CLPB: variants seen among roughly 807,000 people sequenced by gnomAD.
CLPB encodes the protein mitochondrial disaggregase.
Under a neutral mutation model 78.4 loss-of-function variants are expected in CLPB, and 40 were observed. The observed-to-expected ratio is 0.51, with a 90% CI of 0.40 to 0.66. CLPB has a LOEUF of 0.66. Ranked by LOEUF, CLPB falls within the 30% of genes least tolerant of loss-of-function variation. The probability of loss-of-function intolerance (pLI) is 0.00; values close to 1 mark genes in which losing one functional copy is unlikely to be tolerated. For missense variants in CLPB, 780 were observed against 886.9 expected, an observed-to-expected ratio of 0.88 and a Z score of 1.53; for synonymous variants, 333 against 348.0, an observed-to-expected ratio of 0.96 and a Z score of 0.48.
At chr11:72,324,209 C>T (rs531586570) in intron 6 of CLPB, among the ~76,000 whole-genome samples, 1 of 152,128 alleles carries the variant, frequency 6.6e-6, no homozygotes, top group Admixed American at 6.5e-5. Context: ...TGTGAAAATA[C>T]AGTGATCCAT....
At chr11:72,327,247 C>G (rs1409991340) in intron 6 of CLPB, among the ~76,000 whole-genome samples, 1 of 152,224 alleles carries the variant, frequency 6.6e-6, no homozygotes, top group Non-Finnish European at 1.5e-5. Context: ...CTCACTCCCT[C>G]TCACTCAGAG....
At chr11:72,329,614 G>A in intron 6 of CLPB, 93 bp downstream of exon 6, 1 of 734,182 alleles carries the variant, frequency 1.4e-6, no homozygotes, top group Non-Finnish European at 2.4e-6. Context: ...AAGGAGAAGT[G>A]GCCTTTGGTG....
At chr11:72,433,878 T>C (rs542337288) in intron 1 of CLPB, among the ~76,000 whole-genome samples, 194 bp downstream of exon 1, 59 of 152,256 alleles carry the variant, frequency 3.9e-4, no homozygotes, top group African/African-American at 1.3e-3. Context: ...GGATCTATGG[T>C]ACGAGATTAT....
chr11:72,337,678 A>G (rs1950346318), intron 5 of CLPB, among the ~76,000 whole-genome samples: 1 of 152,128 alleles, frequency 6.6e-6, no homozygotes, highest in Admixed American at 6.6e-5. Flanking sequence ...AATAAAAAGT[A>G]TTTTTTTAGG....
At chr11:72,430,147 C>A (rs888129812) in intron 2 of CLPB, among the ~76,000 whole-genome samples, 165 bp downstream of exon 2, 9 of 152,190 alleles carry the variant, frequency 5.9e-5, no homozygotes, top group Admixed American at 1.3e-4. Flanking sequence ...AAGGGGTGAT[C>A]TGGGTAAAGG....
chr11:72,434,042 C>G, intron 1 of CLPB, 30 bp downstream of exon 1: 1 of 1,601,490 alleles, frequency 6.2e-7, no homozygotes, highest in South Asian at 1.1e-5. Flanking sequence ...TCCCGCCTCT[C>G]CCTTCCTCAA....
At chr11:72,306,034 G>A (rs570304431) in intron 9 of CLPB, among the ~76,000 whole-genome samples, 2 of 152,190 alleles carry the variant, frequency 1.3e-5, no homozygotes, top group Admixed American at 6.5e-5. Context: ...TGTTTCAATC[G>A]CTGCCAACCT....
intron 5 of CLPB, among the ~76,000 whole-genome samples, chr11:72,332,041 TGAAGG>T: frequency 6.6e-6 from 1 of 152,130 alleles, no homozygotes. Flanking sequence ...ACAATCCAGG[TGAAGG>T]AAACTTTTAT....
intron 5 of CLPB, among the ~76,000 whole-genome samples, chr11:72,330,829 C>T (rs1414565997): frequency 6.6e-6 from 1 of 152,056 alleles, no homozygotes; most frequent in Non-Finnish European, 1.5e-5. Flanking sequence ...ATTTTTTGAG[C>T]TTCTCTCTTG....
intron 11 of CLPB, among the ~76,000 whole-genome samples, chr11:72,300,013 G>A (rs963793796): frequency 1.3e-5 from 2 of 152,180 alleles, no homozygotes; most frequent in Admixed American, 1.3e-4. Flanking sequence ...AACAGGCCGC[G>A]ATGCTCACCC....
Position 72,293,577 on chromosome 11 carries a change from A to G in CLPB, c.1824T>C (p.Tyr608=). 6.2e-6 allele frequency: 10 copies of G among 1,613,788 alleles called. No individual in the cohort carries two copies. Among genetic ancestry groups the G allele is most frequent in the Non-Finnish European group, 8.5e-6 (10 of 1,179,826 alleles). ...RRVVNQLAAA[Y]EQDLLPGGCT... ...AGCCCCCTGGCAGCAGGTCCTGCTC[A>G]TAGGCTGCTGCCAGCTGGTTCACCA... The change falls in exon 16 of 16, where the codon TAT becomes TAC. Residue 608 remains tyrosine, a synonymous_variant. Coordinates refer to ENST00000538039, the MANE Select transcript of CLPB (RefSeq NM_001258392.3).
rs566702413 is a variant in CLPB, at chr11:72,285,700, G to T, written c.*7667C>A. On this transcript the variant is annotated 3_prime_UTR_variant, in exon 16 of 16. Transcript: ENST00000538039. The stretch of plus-strand genomic sequence containing the variant: ...AATATGGTTCAAAGCTTACTAAAAA[G>T]TATTTAAAATAACATAGCAGTGTTC... 3.3e-5 allele frequency: 5 copies of T among 152,186 alleles called. No homozygotes were observed. The South Asian group carries it at 1.0e-3, about 32-fold the overall frequency. 9.4% of individuals were successfully genotyped at this position (152,186 alleles called of 1,614,324 possible).
rs186294212 is a variant in CLPB, at chr11:72,398,571, T to A, written c.542+4395A>T. Among the ~76,000 whole-genome samples, 504 of 152,244 alleles carry A rather than the reference T, an allele frequency of 3.3e-3. 3 individuals carry two copies. The highest frequency in any genetic ancestry group is 6.0e-3 in the Non-Finnish European group (410 of 68,030). On this transcript the variant is annotated intron_variant, in intron 3 of 15. Coordinates refer to ENST00000538039, the MANE Select transcript of CLPB (RefSeq NM_001258392.3). ...TTTCTTTTCCTTCTTAAAGAAAAACTAATTGAATTTAGCTGAAGGCTGTGT... is the reference window on the plus strand; with the variant it reads ...TTTCTTTTCCTTCTTAAAGAAAAACAAATTGAATTTAGCTGAAGGCTGTGT...
At chr11:72,366,919 C>T (rs1950953391) in intron 4 of CLPB, among the ~76,000 whole-genome samples, 1 of 152,128 alleles carries the variant, frequency 6.6e-6, no homozygotes. Flanking sequence ...AAGAAACAGG[C>T]ACTCATATGT....
chr11:72,337,897 C>A (rs1280225803), intron 5 of CLPB, among the ~76,000 whole-genome samples: 1 of 152,168 alleles, frequency 6.6e-6, no homozygotes, highest in African/African-American at 2.4e-5. Context: ...CCATTCAGGG[C>A]TTCCCTGTCT....
At chr11:72,299,848 A>G (rs552679227) in intron 11 of CLPB, among the ~76,000 whole-genome samples, 1 of 152,180 alleles carries the variant, frequency 6.6e-6, no homozygotes, top group Non-Finnish European at 1.5e-5. Flanking sequence ...AGGAATTCCT[A>G]TCAACCCCTA....
chr11:72,365,453 C>A (rs554482374), intron 4 of CLPB, among the ~76,000 whole-genome samples: 1 of 152,182 alleles, frequency 6.6e-6, no homozygotes, highest in African/African-American at 2.4e-5. Flanking sequence ...ATAATGAATA[C>A]GAGGTCTCTT....
intron 3 of CLPB, among the ~76,000 whole-genome samples, chr11:72,386,558 C>T (rs913065239): frequency 1.3e-5 from 2 of 152,144 alleles, no homozygotes; most frequent in Non-Finnish European, 2.9e-5. Context: ...CAATTACTTG[C>T]TGAACGAATG....
intron 6 of CLPB, among the ~76,000 whole-genome samples, chr11:72,328,406 ATCATATGTTG>A (rs1950165936): frequency 6.6e-6 from 1 of 152,230 alleles, no homozygotes; most frequent in Non-Finnish European, 1.5e-5. Flanking sequence ...TCCATAGACA[ATCATATGTTG>A]CCTAGAACAT....
Sources: gnomAD v4.1 joint callset for allele counts (sites outside exome capture counted in the v4.1 genomes callset) on GRCh38, gnomAD v4.1.1 for gene constraint, MANE v1.5 for transcripts, NCBI Gene and HGNC (gene_info 2026-07-23, HGNC 2026-07-21) for gene names.